The following PEX5L variants were observed in gnomAD, a reference collection of about 807,000 sequenced individuals.
PEX5L encodes PEX5-related protein.
In PEX5L, 30 loss-of-function variants were observed where a neutral mutation model predicts 84.0. The observed-to-expected ratio is 0.36, with a 90% CI of 0.27 to 0.48. The LOEUF is 0.48. PEX5L is among the 20% of genes least tolerant of loss of function. The pLI, the probability that PEX5L is intolerant of heterozygous loss-of-function variation, is 0.99. For missense variants in PEX5L, 533 were observed against 754.6 expected (o/e 0.71, Z 3.44); for synonymous variants, 270 against 283.1 (o/e 0.95, Z 0.46).
chr3:179,927,724 C>A (rs1184235766), intron 2 of PEX5L, among the ~76,000 whole-genome samples: 1 of 151,900 alleles, frequency 6.6e-6, no homozygotes, highest in Non-Finnish European at 1.5e-5. Context: ...CAAAACCAAA[C>A]AAAACCTGCC....
chr3:179,950,497 G>T (rs1778801217), intron 2 of PEX5L, among the ~76,000 whole-genome samples: 2 of 148,022 alleles, frequency 1.4e-5, no homozygotes, highest in South Asian at 4.3e-4. Flanking sequence ...ATGTACCCTA[G>T]AACTTAAAGT....
chr3:179,991,155 C>G (rs188297324), intron 1 of PEX5L, among the ~76,000 whole-genome samples: 1 of 152,192 alleles, frequency 6.6e-6, no homozygotes, highest in Non-Finnish European at 1.5e-5. Flanking sequence ...AGCACCAAAC[C>G]GACTTACTGT....
At chr3:179,937,179 T>C (rs1774825611) in intron 2 of PEX5L, among the ~76,000 whole-genome samples, 1 of 152,140 alleles carries the variant, frequency 6.6e-6, no homozygotes, top group Admixed American at 6.5e-5. Flanking sequence ...GAGTTTACCA[T>C]GTTACAAAAG....
intron 2 of PEX5L, among the ~76,000 whole-genome samples, chr3:179,908,729 T>A (rs1219382987): frequency 6.6e-6 from 1 of 152,032 alleles, no homozygotes; most frequent in Non-Finnish European, 1.5e-5. Context: ...TTTGGTTTTT[T>A]GTCCTTGCGA....
At chr3:179,886,870 T>C (rs569414270) in intron 4 of PEX5L, among the ~76,000 whole-genome samples, 1 of 152,342 alleles carries the variant, frequency 6.6e-6, no homozygotes, top group African/African-American at 2.4e-5. Flanking sequence ...GATTATCCTT[T>C]TCTTTTTCCA....
At chr3:179,903,251 C>T (rs112949601) in intron 2 of PEX5L, among the ~76,000 whole-genome samples, 6 of 152,040 alleles carry the variant, frequency 3.9e-5, no homozygotes, top group African/African-American at 1.4e-4. Context: ...GACAGTGTCT[C>T]GCTCTGTCAC....
intron 2 of PEX5L, among the ~76,000 whole-genome samples, chr3:179,934,471 C>T (rs79039742): frequency 0.025 from 3,755 of 152,242 alleles, 155 homozygotes; most frequent in African/African-American, 0.087. Flanking sequence ...ACAAATGACA[C>T]GATAAGGTGG....
At chr3:179,944,492 C>G (rs9811879) in intron 2 of PEX5L, among the ~76,000 whole-genome samples, 1 of 152,126 alleles carries the variant, frequency 6.6e-6, no homozygotes, top group Admixed American at 6.5e-5. Flanking sequence ...GAGGAATAAA[C>G]GAAATGCCTG....
intron 2 of PEX5L, among the ~76,000 whole-genome samples, chr3:179,901,162 T>C (rs1228503260): frequency 2.0e-5 from 3 of 152,206 alleles, no homozygotes; most frequent in Non-Finnish European, 4.4e-5. Context: ...TGTGCAGGTT[T>C]CTTTCTTTTT....
At chr3:179,955,251 G>A (rs770589172) in intron 2 of PEX5L, among the ~76,000 whole-genome samples, 2 of 152,166 alleles carry the variant, frequency 1.3e-5, no homozygotes, top group Non-Finnish European at 2.9e-5. Context: ...ACTAACCTTT[G>A]GTACAAGTAC....
intron 4 of PEX5L, among the ~76,000 whole-genome samples, chr3:179,884,805 A>G (rs919375236): frequency 2.6e-5 from 4 of 152,190 alleles, no homozygotes; most frequent in African/African-American, 9.7e-5. Flanking sequence ...AATGATTTAA[A>G]TAGTTGGCAG....
In PEX5L at chr3:179,797,608, AT is replaced by A. The variant is rs1560112261; in HGVS notation, c.*4219del. ...ACTCTTTAAAAAAAAAAAAAAAAAT[AT>A]ATATATATATATATATATATATCTA... On this transcript the variant is annotated 3_prime_UTR_variant, in exon 15 of 15. Coordinates refer to ENST00000467460, the MANE Select transcript of PEX5L (RefSeq NM_016559.3). The A allele has an allele frequency of 0.012, 643 of 53,884 alleles. 2 individuals carry two copies. The highest frequency in any genetic ancestry group is 0.015 in the East Asian group (18 of 1,212). 3.3% of individuals were successfully genotyped at this position (53,884 alleles called of 1,614,324 possible).
intron 1 of PEX5L, among the ~76,000 whole-genome samples, chr3:180,010,940 C>G (rs1789413138): frequency 6.6e-6 from 1 of 152,030 alleles, no homozygotes; most frequent in Non-Finnish European, 1.5e-5. Flanking sequence ...AGAGAACTGG[C>G]AAGGGGAAGT....
chr3:179,900,802 G>T (rs1353014224), intron 2 of PEX5L: 5 of 1,112,222 alleles, frequency 4.5e-6, no homozygotes, highest in Non-Finnish European at 6.5e-6. Flanking sequence ...AGCCTTTTTT[G>T]GCTTTTGCGA....
At chr3:179,810,941 G>A (rs1723518515) in intron 11 of PEX5L, among the ~76,000 whole-genome samples, 1 of 152,096 alleles carries the variant, frequency 6.6e-6, no homozygotes, top group African/African-American at 2.4e-5. Context: ...TTCAAGTTCT[G>A]TCTCTGTTAC....
At chr3:179,968,511 C>T (rs919889231) in intron 2 of PEX5L, among the ~76,000 whole-genome samples, 1 of 152,006 alleles carries the variant, frequency 6.6e-6, no homozygotes, top group African/African-American at 2.4e-5. Flanking sequence ...TTTACAAAGA[C>T]AAATATAGCA....
chr3:179,903,400 A>G (rs966950916), intron 2 of PEX5L, among the ~76,000 whole-genome samples: 2 of 152,000 alleles, frequency 1.3e-5, no homozygotes, highest in African/African-American at 4.8e-5. Context: ...TAATTTAAAA[A>G]AATTTTTTTC....
chr3:179,898,045 T>A, intron 3 of PEX5L, 97 bp downstream of exon 3: 1 of 682,160 alleles, frequency 1.5e-6, no homozygotes, highest in Non-Finnish European at 2.3e-6. Flanking sequence ...AAAAAATTGG[T>A]TCAAGAGTTA....
chr3:179,813,623 G>A (rs571800105), intron 10 of PEX5L, among the ~76,000 whole-genome samples: 1 of 150,302 alleles, frequency 6.7e-6, no homozygotes, highest in South Asian at 2.1e-4. Context: ...TCAGCCTCCC[G>A]AGTAGCTGGG....
Sources: allele counts gnomAD v4.1 joint callset (sites outside exome capture counted in the v4.1 genomes callset), GRCh38; gene constraint gnomAD v4.1.1; transcripts MANE v1.5; gene names NCBI Gene and HGNC (gene_info 2026-07-23, HGNC 2026-07-21).